TLL1: variants seen among roughly 807,000 people sequenced by gnomAD.
TLL1 encodes tolloid like 1, also known as tolloid-like protein 1.
A neutral mutation model predicts 128.2 loss-of-function variants in TLL1; 49 were observed. The observed-to-expected ratio is 0.38, with a 90% CI of 0.30 to 0.48. TLL1 has a LOEUF of 0.48. Among genes scored for constraint, TLL1 ranks in the 20% least tolerant of loss-of-function variants. The pLI, the probability that TLL1 is intolerant of heterozygous loss-of-function variation, is 0.96. For synonymous variants in TLL1, 454 were observed against 418.8 expected, an observed-to-expected ratio of 1.08 and a Z score of -1.03; for missense variants, 1,123 against 1,242.0, an observed-to-expected ratio of 0.90 and a Z score of 1.44.
At chr4:166,089,089 G>A (rs1056472567) in intron 18 of TLL1, among the ~76,000 whole-genome samples, 1 of 152,076 alleles carries the variant, frequency 6.6e-6, no homozygotes, top group African/African-American at 2.4e-5. Flanking sequence ...TATATTTACA[G>A]ATTAGTGACT....
intron 5 of TLL1, 139 bp from the exon 6 acceptor site, chr4:166,003,252 T>G: frequency 2.5e-6 from 2 of 794,234 alleles, no homozygotes; most frequent in South Asian, 2.9e-5. Flanking sequence ...ACTAGTCATA[T>G]GTAGTAATAA....
chr4:165,957,494 T>A (rs1302126559), intron 1 of TLL1, among the ~76,000 whole-genome samples: 1 of 151,812 alleles, frequency 6.6e-6, no homozygotes, highest in Non-Finnish European at 1.5e-5. Context: ...CCTTTTTAAA[T>A]GTAATTTATT....
intron 16 of TLL1, among the ~76,000 whole-genome samples, chr4:166,067,885 A>G (rs1455838069): frequency 6.6e-6 from 1 of 151,790 alleles, no homozygotes; most frequent in African/African-American, 2.4e-5. Context: ...GTCACAGAGC[A>G]TTTAAACCTA....
intron 1 of TLL1, among the ~76,000 whole-genome samples, chr4:165,926,399 G>T (rs969895061): frequency 3.3e-5 from 5 of 152,158 alleles, no homozygotes; most frequent in African/African-American, 1.2e-4. Flanking sequence ...CTTAAAATTT[G>T]CACGAGAACT....
chr4:165,961,740 G>A (rs907322965), intron 1 of TLL1, among the ~76,000 whole-genome samples: 2 of 152,136 alleles, frequency 1.3e-5, no homozygotes, highest in Admixed American at 1.3e-4. Context: ...TATTAAATAA[G>A]TGGTGTGTGG....
At chr4:165,897,961 A>C (rs909289006) in intron 1 of TLL1, among the ~76,000 whole-genome samples, 9 of 152,006 alleles carry the variant, frequency 5.9e-5, no homozygotes, top group Non-Finnish European at 1.0e-4. Context: ...TGTAAGTTGT[A>C]TTCCTAGATA....
At chr4:166,007,843 G>C in intron 6 of TLL1, 100 bp from the exon 7 acceptor site, 1 of 784,670 alleles carries the variant, frequency 1.3e-6, no homozygotes. Context: ...AGCAAGATCA[G>C]TCATTTCACA....
At chr4:166,031,638 G>A (rs758318155) in intron 9 of TLL1, among the ~76,000 whole-genome samples, 2 of 151,970 alleles carry the variant, frequency 1.3e-5, no homozygotes, top group Non-Finnish European at 2.9e-5. Context: ...AAAGTTCTGG[G>A]CTTACAGGCA....
chr4:166,065,122 T>G, intron 15 of TLL1, among the ~76,000 whole-genome samples: 1 of 152,224 alleles, frequency 6.6e-6, no homozygotes, highest in Non-Finnish European at 1.5e-5. Context: ...GCTACCTTAT[T>G]TTAATATAAA....
intron 16 of TLL1, among the ~76,000 whole-genome samples, chr4:166,073,386 T>G (rs1560853291): frequency 6.6e-6 from 1 of 152,164 alleles, no homozygotes; most frequent in Non-Finnish European, 1.5e-5. Context: ...ATGGTAAATT[T>G]CTCTAAAATT....
At chr4:166,001,606 C>T (rs1350663054) in intron 5 of TLL1, among the ~76,000 whole-genome samples, 1 of 151,956 alleles carries the variant, frequency 6.6e-6, no homozygotes, top group East Asian at 1.9e-4. Context: ...CAAGACCAGC[C>T]TGGGCAACAC....
chr4:166,075,485 A>C (rs1275971869), intron 17 of TLL1, among the ~76,000 whole-genome samples: 1 of 152,198 alleles, frequency 6.6e-6, no homozygotes, highest in African/African-American at 2.4e-5. Flanking sequence ...ACACTGTGTC[A>C]TTTAAAGTTT....
At chr4:165,877,610 G>A (rs897675097) in intron 1 of TLL1, among the ~76,000 whole-genome samples, 1 of 152,184 alleles carries the variant, frequency 6.6e-6, no homozygotes, top group African/African-American at 2.4e-5. Context: ...GGCAAATTTA[G>A]TTTGTAAGTT....
chr4:166,079,592 T>G (rs1178233006), intron 18 of TLL1, among the ~76,000 whole-genome samples: 1 of 152,154 alleles, frequency 6.6e-6, no homozygotes, highest in Non-Finnish European at 1.5e-5. Context: ...ATATAGTGTA[T>G]GCAGGTGTAT....
intron 1 of TLL1, among the ~76,000 whole-genome samples, chr4:165,902,740 G>C (rs1732057152): frequency 6.6e-6 from 1 of 152,130 alleles, no homozygotes; most frequent in African/African-American, 2.4e-5. Flanking sequence ...CACACACCAA[G>C]TATAGTCTTT....
chr4:166,049,131 A>G (rs1739595599), intron 12 of TLL1, among the ~76,000 whole-genome samples: 1 of 152,180 alleles, frequency 6.6e-6, no homozygotes, highest in South Asian at 2.1e-4. Context: ...AATGACTATA[A>G]AACAGAGGAG....
intron 1 of TLL1, among the ~76,000 whole-genome samples, chr4:165,938,341 T>C (rs1212677575): frequency 2.0e-5 from 3 of 152,144 alleles, no homozygotes; most frequent in East Asian, 1.9e-4. Flanking sequence ...TTATTCCCAG[T>C]GTTCTGCAGT....
intron 1 of TLL1, among the ~76,000 whole-genome samples, chr4:165,974,435 T>C (rs12650396): frequency 0.74 from 105,966 of 142,582 alleles, 40,020 homozygotes; most frequent in African/African-American, 0.87. Flanking sequence ...CCACCGCGCC[T>C]GGCCTCATCT....
At chr4:166,072,581 GT>G (rs369985538) in intron 16 of TLL1, among the ~76,000 whole-genome samples, 2,038 of 147,448 alleles carry the variant, frequency 0.014, 56 homozygotes, top group African/African-American at 0.045. Flanking sequence ...CTATAGGTCA[GT>G]TTTTTTTTTA....
Sources: gnomAD v4.1 joint callset for allele counts (sites outside exome capture counted in the v4.1 genomes callset) on GRCh38, gnomAD v4.1.1 for gene constraint, MANE v1.5 for transcripts, NCBI Gene and HGNC (gene_info 2026-07-23, HGNC 2026-07-21) for gene names.